The following SAMTOR variants were observed in gnomAD, a reference collection of about 807,000 sequenced individuals.
The protein encoded by SAMTOR is UPF0532 protein C7orf60.
the SAMTOR span, among the ~76,000 whole-genome samples, chr7:112,923,433 T>C: frequency 1.8e-4 from 27 of 151,982 alleles, no homozygotes; most frequent in African/African-American, 5.8e-4. Flanking sequence ...CCTATGACCC[T>C]GCCAAATCCC....
the SAMTOR span, among the ~76,000 whole-genome samples, chr7:112,910,012 A>G: frequency 2.0e-5 from 3 of 152,030 alleles, no homozygotes; most frequent in Non-Finnish European, 4.4e-5. Flanking sequence ...CTGAAGAAAC[A>G]GTCTGATGCC....
At chr7:112,904,891 T>G in the SAMTOR span, among the ~76,000 whole-genome samples, 1 of 152,150 alleles carries the variant, frequency 6.6e-6, no homozygotes, top group Non-Finnish European at 1.5e-5. Flanking sequence ...TTTTGATATT[T>G]TGGGAGGGGT....
At chr7:112,886,824 T>C in the SAMTOR span, among the ~76,000 whole-genome samples, 1 of 152,214 alleles carries the variant, frequency 6.6e-6, no homozygotes, top group Non-Finnish European at 1.5e-5. Flanking sequence ...TTGGTAATTA[T>C]ACATTGAAGT....
chr7:112,833,651 A>G, the SAMTOR span, among the ~76,000 whole-genome samples: 3 of 152,172 alleles, frequency 2.0e-5, no homozygotes, highest in Admixed American at 6.5e-5. Context: ...AAAAAAATAT[A>G]CTTCTTATAA....
chr7:112,824,675 T>C, the SAMTOR span, among the ~76,000 whole-genome samples: 1 of 152,136 alleles, frequency 6.6e-6, no homozygotes, highest in Admixed American at 6.6e-5. Context: ...TCTTTTTTTT[T>C]ATATGGAGTG....
chr7:112,883,202 A>C, the SAMTOR span, among the ~76,000 whole-genome samples: 3 of 151,780 alleles, frequency 2.0e-5, no homozygotes, highest in Non-Finnish European at 4.4e-5. Flanking sequence ...GACTGCCACT[A>C]CTCCTTCCCC....
At chr7:112,926,912 A>G in the SAMTOR span, among the ~76,000 whole-genome samples, 1 of 152,102 alleles carries the variant, frequency 6.6e-6, no homozygotes, top group Non-Finnish European at 1.5e-5. Flanking sequence ...CTGTGTATAC[A>G]TTTTGTTAAA....
At chr7:112,830,319 C>A in the SAMTOR span, among the ~76,000 whole-genome samples, 3 of 152,032 alleles carry the variant, frequency 2.0e-5, no homozygotes, top group Admixed American at 2.0e-4. Flanking sequence ...CTATCTTATC[C>A]CATCTTGGCT....
At chr7:112,928,886 A>G in the SAMTOR span, among the ~76,000 whole-genome samples, 8 of 151,900 alleles carry the variant, frequency 5.3e-5, no homozygotes, top group African/African-American at 1.9e-4. Flanking sequence ...AAGTTCTTTA[A>G]TAGCAGTACA....
the SAMTOR span, among the ~76,000 whole-genome samples, chr7:112,912,746 A>T: frequency 6.6e-5 from 10 of 151,974 alleles, no homozygotes; most frequent in African/African-American, 2.2e-4. Flanking sequence ...TATGACCTAA[A>T]TTCCTAATGA....
the SAMTOR span, among the ~76,000 whole-genome samples, chr7:112,938,070 G>T: frequency 5.5e-3 from 843 of 152,140 alleles, 4 homozygotes; most frequent in Non-Finnish European, 9.8e-3. Context: ...AAAATAGCAG[G>T]ATAAATTGCA....
chr7:112,905,460 A>G, the SAMTOR span, among the ~76,000 whole-genome samples: 1 of 152,208 alleles, frequency 6.6e-6, no homozygotes, highest in Admixed American at 6.5e-5. Context: ...ATTTTCAGGG[A>G]GCAAAATTAC....
chr7:112,822,691 A>C, the SAMTOR span, among the ~76,000 whole-genome samples: 1 of 152,196 alleles, frequency 6.6e-6, no homozygotes, highest in Admixed American at 6.5e-5. Flanking sequence ...TACAGGAATG[A>C]CATTTCTATT....
chr7:112,929,172 T>A, the SAMTOR span, among the ~76,000 whole-genome samples: 80 of 151,778 alleles, frequency 5.3e-4, no homozygotes, highest in African/African-American at 1.8e-3. Flanking sequence ...TAAAAATATA[T>A]TTACAAACCA....
chr7:112,932,590 TA>T, the SAMTOR span, among the ~76,000 whole-genome samples: 2 of 152,292 alleles, frequency 1.3e-5, no homozygotes, highest in African/African-American at 4.8e-5. Context: ...GCTACAGAGA[TA>T]AAAGGCAGAG....
At chr7:112,895,888 C>T in the SAMTOR span, 1 of 466,426 alleles carries the variant, frequency 2.1e-6, no homozygotes, top group South Asian at 7.0e-5. Context: ...ATTTGAGCAC[C>T]TTGTAGCACT....
At chr7:112,939,398 G>A in the SAMTOR span, 1 of 800,976 alleles carries the variant, frequency 1.2e-6, no homozygotes, top group East Asian at 2.7e-5. Context: ...GGCCCTCAAA[G>A]AAAAGGGGGC....
chr7:112,846,308 A>C, the SAMTOR span, among the ~76,000 whole-genome samples: 1 of 152,010 alleles, frequency 6.6e-6, no homozygotes, highest in Non-Finnish European at 1.5e-5. Flanking sequence ...CTCACTTATA[A>C]GTGATGAGGA....
chr7:112,868,962 C>A, the SAMTOR span, among the ~76,000 whole-genome samples: 14 of 152,158 alleles, frequency 9.2e-5, no homozygotes, highest in African/African-American at 3.1e-4. Context: ...TGGTTGGTTG[C>A]GGGACAGTAG....
Sources: gnomAD v4.1 joint callset for allele counts (sites outside exome capture counted in the v4.1 genomes callset) on GRCh38, gnomAD v4.1.1 for gene constraint, MANE v1.5 for transcripts, NCBI Gene and HGNC (gene_info 2026-07-23, HGNC 2026-07-21) for gene names.